The following CYP20A1 variants were observed in gnomAD, a reference collection of about 807,000 sequenced individuals.
CYP20A1 encodes the protein cytochrome P450 20A1.
Under a neutral mutation model 61.4 loss-of-function variants are expected in CYP20A1, and 61 were observed. The ratio of observed to expected loss-of-function variants is 0.99; its 90% CI spans 0.81 to 1.23. The LOEUF is 1.23. CYP20A1 is among the 50% of genes most tolerant of loss of function. The probability of loss-of-function intolerance (pLI) is 0.00; values close to 1 mark genes in which losing one functional copy is unlikely to be tolerated. For synonymous variants in CYP20A1, 193 were observed against 188.2 expected (o/e 1.03, Z -0.21); for missense variants, 530 against 542.4 (o/e 0.98, Z 0.23).
intron 8 of CYP20A1, among the ~76,000 whole-genome samples, chr2:203,283,514 C>G (rs2068132315): frequency 6.7e-6 from 1 of 149,752 alleles, no homozygotes; most frequent in South Asian, 2.1e-4. Context: ...CCACACCCAG[C>G]CAATGTGAGA....
Position 203,305,296 on chromosome 2 carries a change from G to A in CYP20A1, c.*8388G>A, listed in dbSNP as rs2069174966. 6.9e-6 allele frequency among the ~76,000 whole-genome samples: 1 copy of A among 145,224 alleles called. No homozygotes were observed. The highest frequency in any genetic ancestry group is 2.2e-4 in the South Asian group (1 of 4,580). On this transcript the variant is annotated 3_prime_UTR_variant, in exon 13 of 13. Transcript: ENST00000356079. ...GCTCACTGCAACCTCCCCCTCTCAG[G>A]TTCAAGTAATTCTCCTGCCTCAGCC...
At chr2:203,280,812 C>G (rs2068013383) in intron 8 of CYP20A1, among the ~76,000 whole-genome samples, 1 of 152,234 alleles carries the variant, frequency 6.6e-6, no homozygotes, top group East Asian at 1.9e-4. Flanking sequence ...TTCTTAACCC[C>G]AAGTGCTTAA....
chr2:203,247,032 A>C (rs1377950676), intron 3 of CYP20A1, 111 bp downstream of exon 3: 6 of 1,047,830 alleles, frequency 5.7e-6, no homozygotes, highest in Non-Finnish European at 8.3e-6. Context: ...AGGCTGAGGC[A>C]GGTGGATCAC....
At chr2:203,293,508 C>CT (rs11408049) in intron 11 of CYP20A1, among the ~76,000 whole-genome samples, 123,679 of 140,896 alleles carry the variant, frequency 0.88, 55,141 homozygotes, top group Non-Finnish European at 0.96. Context: ...CGCCCGGCCT[C>CT]TTTTTTTTTT....
At chr2:203,242,810 G>A (rs2066301530) in intron 1 of CYP20A1, among the ~76,000 whole-genome samples, 1 of 151,700 alleles carries the variant, frequency 6.6e-6, no homozygotes, top group Non-Finnish European at 1.5e-5. Context: ...AAAAGCTTAG[G>A]TTGCATGGTC....
At chr2:203,241,435 C>T (rs1379239940) in intron 1 of CYP20A1, among the ~76,000 whole-genome samples, 1 of 152,156 alleles carries the variant, frequency 6.6e-6, no homozygotes, top group African/African-American at 2.4e-5. Flanking sequence ...TGCTATCTCC[C>T]AGACAATTTA....
At chr2:203,281,746 A>G (rs963638216) in intron 8 of CYP20A1, among the ~76,000 whole-genome samples, 1 of 152,072 alleles carries the variant, frequency 6.6e-6, no homozygotes, top group Non-Finnish European at 1.5e-5. Flanking sequence ...GGTTACAGTG[A>G]GCTGAGATCG....
Position 203,239,083 on chromosome 2 carries a change from C to A in CYP20A1, c.21C>A (p.Phe7Leu). MLDFAIFAVTFLLALVG... is the reference protein window; with the variant it reads MLDFAILAVTFLLALVG... ...GAACCATGTTGGACTTCGCGATCTTCGCCGTTACCTTCTTGCTGGCGTTGG... is the reference window on the plus strand; with the variant it reads ...GAACCATGTTGGACTTCGCGATCTTAGCCGTTACCTTCTTGCTGGCGTTGG... Residue 7 changes from phenylalanine (F) to leucine (L), a missense_variant, in exon 1 of 13, where the codon TTC becomes TTA. Coordinates refer to ENST00000356079, the MANE Select transcript of CYP20A1 (RefSeq NM_177538.3). 4 of 1,613,750 alleles carry A rather than the reference C, an allele frequency of 2.5e-6. No homozygotes were observed. The highest frequency in any genetic ancestry group is 3.4e-6 in the Non-Finnish European group (4 of 1,179,834).
chr2:203,252,147 A>T, intron 4 of CYP20A1, 38 bp downstream of exon 4: 1 of 1,516,338 alleles, frequency 6.6e-7, no homozygotes, highest in Non-Finnish European at 8.9e-7. Flanking sequence ...GTTCTACAAC[A>T]TAAATAATAG....
intron 11 of CYP20A1, among the ~76,000 whole-genome samples, chr2:203,294,588 C>A (rs141871328): frequency 1.6e-3 from 236 of 152,100 alleles, no homozygotes; most frequent in Non-Finnish European, 2.8e-3. Flanking sequence ...GCTTTTCATT[C>A]GCTTTAATCC....
intron 11 of CYP20A1, among the ~76,000 whole-genome samples, chr2:203,294,110 G>C (rs1054783872): frequency 2.0e-5 from 3 of 151,944 alleles, no homozygotes; most frequent in Admixed American, 1.3e-4. Context: ...TCACCCTCCA[G>C]AGTAACTGGA....
In CYP20A1 at chr2:203,297,138, CTTTTTA is replaced by C; in HGVS notation, c.*236_*241del. 1 of 276,694 alleles carries C rather than the reference CTTTTTA, an allele frequency of 3.6e-6. No individual in the cohort carries two copies. Among genetic ancestry groups the C allele is most frequent in the Non-Finnish European group, 6.7e-6 (1 of 150,300 alleles). The allele number at this position is 276,694 out of a possible 1,614,324, so 17.1% of individuals were successfully genotyped here. ...TTTAATGGGAAACTTTAGCTTTCTA[CTTTTTA>C]TTTTTGTTTTTTCACTTTCTATGCC... On this transcript the variant is annotated 3_prime_UTR_variant, in exon 13 of 13. Coordinates refer to ENST00000356079, the MANE Select transcript of CYP20A1 (RefSeq NM_177538.3).
intron 4 of CYP20A1, among the ~76,000 whole-genome samples, chr2:203,262,633 T>G (rs969979056): frequency 6.6e-6 from 1 of 152,166 alleles, no homozygotes; most frequent in Non-Finnish European, 1.5e-5. Context: ...AATTTAAGTC[T>G]ATACATTTCC....
At chr2:203,272,799 A>AG in intron 6 of CYP20A1, 51 bp downstream of exon 6, 1 of 1,120,640 alleles carries the variant, frequency 8.9e-7, no homozygotes, top group South Asian at 1.4e-5. Flanking sequence ...AATGTGCCCC[A>AG]GTTTTAATAA....
rs780708569 is a variant in CYP20A1 at position 203,246,936 on chromosome 2, C to A, written c.289+15C>A. On this transcript the variant is annotated intron_variant, in intron 3 of 12. Coordinates refer to ENST00000356079, the MANE Select transcript of CYP20A1 (RefSeq NM_177538.3). ...CAATAAGACATGTAAGTTTAATTTT[C>A]TTTCTAATTACCTGATCCTTACCTT... 19 of 1,609,054 alleles carry A rather than the reference C, an allele frequency of 1.2e-5. No individual in the cohort carries two copies. The highest frequency in any genetic ancestry group is 1.5e-5 in the Non-Finnish European group (18 of 1,178,018).
chr2:203,277,123 C>T (rs369528495), intron 6 of CYP20A1, among the ~76,000 whole-genome samples: 2 of 151,250 alleles, frequency 1.3e-5, no homozygotes, highest in African/African-American at 2.4e-5. Context: ...CTGACATGGG[C>T]GGATCACAAG....
At chr2:203,245,096 G>T (rs1434136779) in intron 1 of CYP20A1, among the ~76,000 whole-genome samples, 9 of 145,766 alleles carry the variant, frequency 6.2e-5, no homozygotes, top group African/African-American at 1.0e-4. Flanking sequence ...GTAGCACGAT[G>T]TTGGCTCAGT....
chr2:203,302,609 A>AC lies in CYP20A1; in HGVS notation c.*5702dup, dbSNP rs2069064632. ...TTATACAAAATATTATTTGCATTTAACATATTCTGAACCAATAGTCTTTTC... is the reference window on the plus strand; with the variant it reads ...TTATACAAAATATTATTTGCATTTAACCATATTCTGAACCAATAGTCTTTTC... On this transcript the variant is annotated 3_prime_UTR_variant, in exon 13 of 13. Coordinates refer to ENST00000356079, the MANE Select transcript of CYP20A1 (RefSeq NM_177538.3). Among the ~76,000 whole-genome samples the AC allele has an allele frequency of 1.3e-5, 2 of 152,208 alleles. No homozygotes were observed. The highest frequency in any genetic ancestry group is 2.9e-5 in the Non-Finnish European group (2 of 68,042).
At chr2:203,266,292 T>C (rs1033580669) in intron 4 of CYP20A1, among the ~76,000 whole-genome samples, 2 of 152,184 alleles carry the variant, frequency 1.3e-5, no homozygotes, top group African/African-American at 2.4e-5. Flanking sequence ...GTGATAGTGG[T>C]TCTGTTTTGT....
Sources: allele counts gnomAD v4.1 joint callset (sites outside exome capture counted in the v4.1 genomes callset), GRCh38; gene constraint gnomAD v4.1.1; transcripts MANE v1.5; gene names NCBI Gene and HGNC (gene_info 2026-07-23, HGNC 2026-07-21).